Variants in TLCD4 observed in about 807,000 individuals in gnomAD.
TLCD4 encodes the protein TLC domain containing 4, also known as TLC domain-containing protein 4.
TLCD4 carries 7 observed loss-of-function variants against 24.2 expected under a neutral mutation model. The ratio of observed to expected loss-of-function variants is 0.29; its 90% CI spans 0.16 to 0.54. TLCD4 has a LOEUF of 0.54. Among genes scored for constraint, TLCD4 ranks in the 20% least tolerant of loss-of-function variants. The pLI, the probability that TLCD4 is intolerant of heterozygous loss-of-function variation, is 0.95. For synonymous variants in TLCD4, 103 were observed against 106.4 expected, an observed-to-expected ratio of 0.97 and a Z score of 0.20; for missense variants, 259 against 313.9, an observed-to-expected ratio of 0.82 and a Z score of 1.32.
At chr1:95,181,202 CAA>C (rs10560904) in intron 6 of TLCD4, among the ~76,000 whole-genome samples, 3,436 of 146,846 alleles carry the variant, frequency 0.023, 129 homozygotes, top group African/African-American at 0.08. Context: ...CAAAACAAAC[CAA>C]AAAAAAAAAC....
chr1:95,116,897 AAAG>A (rs1676442511), upstream of TLCD4, among the ~76,000 whole-genome samples: 1 of 152,212 alleles, frequency 6.6e-6, no homozygotes, highest in Admixed American at 6.5e-5. Context: ...CTGCAGCCCC[AAAG>A]AAGAACTGGC....
intron 3 of TLCD4, among the ~76,000 whole-genome samples, 183 bp downstream of exon 3, chr1:95,148,974 G>A (rs532909399): frequency 1.3e-5 from 2 of 152,300 alleles, no homozygotes; most frequent in South Asian, 4.1e-4. Flanking sequence ...GAACACAAAT[G>A]AAGGCCATTT....
intron 5 of TLCD4, among the ~76,000 whole-genome samples, chr1:95,159,022 C>A (rs945580727): frequency 2.6e-5 from 4 of 152,136 alleles, no homozygotes; most frequent in African/African-American, 9.7e-5. Context: ...GGTTTTGACC[C>A]AGTAATGGGA....
At chr1:95,163,384 T>C (rs1677895829) in intron 5 of TLCD4, 1 of 152,040 alleles carries the variant, frequency 6.6e-6, no homozygotes, top group African/African-American at 2.4e-5. Flanking sequence ...CTGTTTATTG[T>C]AGTTAGCCAT....
intron 1 of TLCD4, among the ~76,000 whole-genome samples, chr1:95,140,199 T>C (rs1053605567): frequency 6.6e-6 from 1 of 152,210 alleles, no homozygotes; most frequent in Non-Finnish European, 1.5e-5. Flanking sequence ...TCATTTATTA[T>C]CATTGTCAAC....
rs1248770496 is a variant in TLCD4, at chr1:95,194,747, T to C, written c.*2879T>C. The C allele has an allele frequency of 6.6e-6, 1 of 152,178 alleles. No homozygotes were observed. The highest frequency in any genetic ancestry group is 6.5e-5 in the Admixed American group (1 of 15,276). The allele number at this position is 152,178 out of a possible 1,614,324, so 9.4% of individuals were successfully genotyped here. Reference sequence around the variant, plus strand: ...TAATAGCATGCAAGATCATAGATCCTGCATTAAATTTTTATTTGTGAAAAT... The same window carrying C: ...TAATAGCATGCAAGATCATAGATCCCGCATTAAATTTTTATTTGTGAAAAT... On this transcript the variant is annotated 3_prime_UTR_variant, in exon 7 of 7. Coordinates refer to ENST00000370203, the MANE Select transcript of TLCD4 (RefSeq NM_152487.3).
At chr1:95,137,589 C>T (rs1246707684) in intron 1 of TLCD4, among the ~76,000 whole-genome samples, 2 of 152,052 alleles carry the variant, frequency 1.3e-5, no homozygotes, top group African/African-American at 4.8e-5. Context: ...GTAATCCTAA[C>T]CTCACCTACT....
At chr1:95,185,226 C>T (rs1472631858) in intron 6 of TLCD4, among the ~76,000 whole-genome samples, 1 of 151,904 alleles carries the variant, frequency 6.6e-6, no homozygotes, top group African/African-American at 2.4e-5. Flanking sequence ...TTTGGATTAG[C>T]AGGAATTGAG....
intron 6 of TLCD4, among the ~76,000 whole-genome samples, chr1:95,188,047 A>G (rs1678886552): frequency 6.6e-6 from 1 of 152,130 alleles, no homozygotes. Context: ...TTGCCTTCTT[A>G]AAGGACCTAT....
At chr1:95,095,075 G>C in the TLCD4 span, among the ~76,000 whole-genome samples, 1 of 152,142 alleles carries the variant, frequency 6.6e-6, no homozygotes, top group African/African-American at 2.4e-5. Flanking sequence ...TTCTTACTAG[G>C]ATCTGTGAAG....
At chr1:95,093,481 AG>A in the TLCD4 span, among the ~76,000 whole-genome samples, 1 of 152,210 alleles carries the variant, frequency 6.6e-6, no homozygotes, top group Non-Finnish European at 1.5e-5. Context: ...GTATCAGAGT[AG>A]GCTGTACTTC....
intron 6 of TLCD4, among the ~76,000 whole-genome samples, chr1:95,184,303 A>G (rs1315689461): frequency 1.3e-5 from 2 of 151,942 alleles, no homozygotes; most frequent in East Asian, 1.9e-4. Context: ...AAAACTCAAC[A>G]AACCAGTGCC....
chr1:95,118,733 C>G (rs1279847188), intron 1 of TLCD4, among the ~76,000 whole-genome samples: 1 of 152,144 alleles, frequency 6.6e-6, no homozygotes, highest in Non-Finnish European at 1.5e-5. Flanking sequence ...GTTAGAGAAT[C>G]CCAGCTCCCT....
intron 1 of TLCD4, among the ~76,000 whole-genome samples, 166 bp from the exon 2 acceptor site, chr1:95,143,725 A>T (rs1677270706): frequency 6.6e-6 from 1 of 152,172 alleles, no homozygotes; most frequent in South Asian, 2.1e-4. Context: ...TAGATGGTAA[A>T]GGTGAAGAAA....
chr1:95,131,119 A>C (rs887651085), intron 1 of TLCD4, among the ~76,000 whole-genome samples: 3 of 152,184 alleles, frequency 2.0e-5, no homozygotes, highest in Admixed American at 6.5e-5. Flanking sequence ...ATGGAGATTT[A>C]ATGGTGAAGG....
At chr1:95,106,544 T>G in the TLCD4 span, among the ~76,000 whole-genome samples, 1 of 152,002 alleles carries the variant, frequency 6.6e-6, no homozygotes, top group African/African-American at 2.4e-5. Flanking sequence ...CTACCAAAAA[T>G]TGGCTGGGCG....
upstream of TLCD4, among the ~76,000 whole-genome samples, chr1:95,113,829 T>C (rs1200392399): frequency 6.6e-6 from 1 of 151,954 alleles, no homozygotes; most frequent in African/African-American, 2.4e-5. Flanking sequence ...ATGGGGAGGA[T>C]TGTTTCTGTA....
intron 1 of TLCD4, among the ~76,000 whole-genome samples, chr1:95,137,737 CCTT>C (rs764691163): frequency 7.0e-6 from 1 of 143,064 alleles, no homozygotes; most frequent in African/African-American, 2.5e-5. Flanking sequence ...TCCCTTTCTT[CCTT>C]CTCTTTTTTT....
the TLCD4 span, among the ~76,000 whole-genome samples, chr1:95,095,798 A>T: frequency 6.6e-6 from 1 of 152,254 alleles, no homozygotes; most frequent in South Asian, 2.1e-4. Flanking sequence ...TGATTAAGTC[A>T]TGTAGGCTTG....
Sources: gnomAD v4.1 joint callset for allele counts (sites outside exome capture counted in the v4.1 genomes callset) on GRCh38, gnomAD v4.1.1 for gene constraint, MANE v1.5 for transcripts, NCBI Gene and HGNC (gene_info 2026-07-23, HGNC 2026-07-21) for gene names.